The following RILPL1 variants were observed in gnomAD, a reference collection of about 807,000 sequenced individuals.
RILPL1 encodes Rab interacting lysosomal protein like 1.
A neutral mutation model predicts 50.3 loss-of-function variants in RILPL1; 33 were observed. The ratio of observed to expected loss-of-function variants is 0.66; its 90% CI spans 0.50 to 0.88. The LOEUF (loss-of-function observed/expected upper bound fraction) is 0.88, where lower values mean the gene tolerates loss of function less well. Ranked by LOEUF, RILPL1 falls within the 40% of genes least tolerant of loss-of-function variation. The probability of loss-of-function intolerance (pLI) is 0.00; values close to 1 mark genes in which losing one functional copy is unlikely to be tolerated. For synonymous variants in RILPL1, 205 were observed against 228.6 expected (o/e 0.90, Z 0.93); for missense variants, 418 against 542.5 (o/e 0.77, Z 2.28).
In RILPL1 at chr12:123,471,837, CTTTG is replaced by C. The variant is rs1415067169; in HGVS notation, c.*697_*700del. The C allele has an allele frequency of 3.3e-5, 5 of 152,622 alleles. No homozygotes were observed. The highest frequency in any genetic ancestry group is 2.1e-4 in the South Asian group (1 of 4,836). The allele number at this position is 152,622 out of a possible 1,614,324, so 9.5% of individuals were successfully genotyped here. A position where few individuals can be genotyped will look rare whatever the true frequency, so the allele number is the denominator to read the frequency against. On this transcript the variant is annotated 3_prime_UTR_variant, in exon 7 of 7. Transcript: ENST00000376874. The stretch of plus-strand genomic sequence containing the variant: ...TGTTGCAACATCTCATCCTTAGCAA[CTTTG>C]TTTGGTTAGTACTGCATAACTCACA...
chr12:123,521,573 ACACACATATGTGTATATATATATT>A (rs1885014571), intron 2 of RILPL1, among the ~76,000 whole-genome samples: 1 of 17,278 alleles, frequency 5.8e-5, no homozygotes, highest in Non-Finnish European at 1.0e-4. Context: ...TAATATATAT[ACACACATATGTGTATATATATATT>A]AATATATATA....
chr12:123,472,639 G>C lies in RILPL1; in HGVS notation c.1111C>G (p.Gln371Glu). Residue 371 changes from glutamine to glutamate, a missense_variant, in exon 7 of 7, where the codon CAG (glutamine) becomes GAG (glutamate). By Grantham distance (29) the Gln-to-Glu change is conservative. Transcript: ENST00000376874. The part of the protein sequence containing the change: ...SRDKKRLANT[Q>E]RNVHIQESFG... The stretch of plus-strand genomic sequence containing the variant: ...GACTCCTGGATGTGCACGTTTCTCT[G>C]TGTGTTGGCCAGGCGCTTCTTATCT... 1 of 1,596,864 alleles carries C rather than the reference G, an allele frequency of 6.3e-7. No individual in the cohort carries two copies. Among genetic ancestry groups the C allele is most frequent in the Non-Finnish European group, 8.5e-7 (1 of 1,171,692 alleles).
At chr12:123,513,344 C>A in intron 2 of RILPL1, 1 of 397,658 alleles carries the variant, frequency 2.5e-6, no homozygotes, top group Non-Finnish European at 5.2e-6. Context: ...CCTGGGGCGC[C>A]AGGACCCACT....
At chr12:123,527,593 G>A (rs1482908957) in intron 1 of RILPL1, among the ~76,000 whole-genome samples, 1 of 151,974 alleles carries the variant, frequency 6.6e-6, no homozygotes, top group Non-Finnish European at 1.5e-5. Flanking sequence ...GCTGAGGGAA[G>A]CAGAGGTTGC....
intron 2 of RILPL1, among the ~76,000 whole-genome samples, chr12:123,500,525 T>C (rs976153772): frequency 4.6e-5 from 7 of 151,292 alleles, no homozygotes; most frequent in African/African-American, 1.7e-4. Flanking sequence ...CTTCAAGTGA[T>C]CCGCCCACCT....
At position 123,488,893 on chromosome 12, in the gene RILPL1, C is replaced by T. The variant is rs780760119; in HGVS notation, c.802-3088G>A. Among the ~76,000 whole-genome samples, 10 of 152,186 alleles carry T rather than the reference C, an allele frequency of 6.6e-5. No homozygotes were observed. The East Asian group carries it at 9.6e-4, about 15-fold the overall frequency. ...TAATTTCCAAAGAAAGTATTCTAGG[C>T]GTCTGCTGATGCCACAATTTAGGTG... On this transcript the variant is annotated intron_variant, in intron 4 of 6. Coordinates refer to ENST00000376874, the MANE Select transcript of RILPL1 (RefSeq NM_178314.5).
intron 4 of RILPL1, among the ~76,000 whole-genome samples, chr12:123,497,122 C>T (rs1420819363): frequency 1.3e-5 from 2 of 152,234 alleles, no homozygotes; most frequent in African/African-American, 4.8e-5. Context: ...GCCAGGGCTG[C>T]ATTCCTCTTT....
rs549451761 is a variant in RILPL1, at chr12:123,525,498, G to A, written c.310-1853C>T. ...GCAGATCACTTGAGGTCAGGAGTTCGAGACCAGCCTGACCAATATGGTGAA... is the reference window on the plus strand; with the variant it reads ...GCAGATCACTTGAGGTCAGGAGTTCAAGACCAGCCTGACCAATATGGTGAA... On this transcript the variant is annotated intron_variant, in intron 1 of 6. Coordinates refer to ENST00000376874, the MANE Select transcript of RILPL1 (RefSeq NM_178314.5). 5.3e-5 allele frequency among the ~76,000 whole-genome samples: 8 copies of A among 150,188 alleles called. 1 individual carries two copies. Among genetic ancestry groups the A allele is most frequent in the African/African-American group, 1.7e-4 (7 of 40,982 alleles).
At chr12:123,496,739 C>A (rs907067851) in intron 4 of RILPL1, among the ~76,000 whole-genome samples, 2 of 152,266 alleles carry the variant, frequency 1.3e-5, no homozygotes, top group African/African-American at 4.8e-5. Flanking sequence ...GTTCCTGGCA[C>A]AGTCTGGGGG....
chr12:123,485,524 A>C lies in RILPL1; in HGVS notation c.974+109T>G. ...AGGCCAGAGAGGGTACCCAAAAAAA[A>C]CACTGATGAAATGCTTGTCTTCCAG... On this transcript the variant is annotated intron_variant, in intron 5 of 6. Transcript: ENST00000376874. The surrounding 1 kb of genome is among the most constrained non-coding windows in gnomAD (Gnocchi z 4.0). 1 of 1,069,630 alleles carries C rather than the reference A, an allele frequency of 9.3e-7. No individual in the cohort carries two copies. Among genetic ancestry groups the C allele is most frequent in the Non-Finnish European group, 1.4e-6 (1 of 736,888 alleles). The allele number at this position is 1,069,630 out of a possible 1,614,324, so 66.3% of individuals were successfully genotyped here. A position where few individuals can be genotyped will look rare whatever the true frequency, so the allele number is the denominator to read the frequency against.
In RILPL1 at chr12:123,498,929, T is replaced by C. The variant is rs143044084; in HGVS notation, c.580-164A>G. Among the ~76,000 whole-genome samples, 3 of 152,330 alleles carry C rather than the reference T, an allele frequency of 2.0e-5. No individual in the cohort carries two copies. The highest frequency in any genetic ancestry group is 1.9e-4 in the East Asian group (1 of 5,194). On this transcript the variant is annotated intron_variant, in intron 3 of 6. Coordinates refer to ENST00000376874, the MANE Select transcript of RILPL1 (RefSeq NM_178314.5). This position sits in a 1 kb window ranked among gnomAD's most constrained non-coding sequence, Gnocchi z 4.3. ...GCTGATGATGCTAGAGATGGGCAAT[T>C]TGTGTATTTTCTATGATAATTTTAT...
intron 2 of RILPL1, among the ~76,000 whole-genome samples, chr12:123,507,720 T>G (rs1883838301): frequency 6.6e-6 from 1 of 151,740 alleles, no homozygotes; most frequent in South Asian, 2.1e-4. Context: ...GGTGGGTGGA[T>G]CACCTGATGT....
chr12:123,478,000 T>C (rs1406691800), intron 6 of RILPL1, among the ~76,000 whole-genome samples: 1 of 138,818 alleles, frequency 7.2e-6, no homozygotes, highest in African/African-American at 2.7e-5. Flanking sequence ...TTTTTTTTTT[T>C]TTTTTTTTTT....
chr12:123,525,513 A>G (rs182242128), intron 1 of RILPL1, among the ~76,000 whole-genome samples: 2 of 150,984 alleles, frequency 1.3e-5, no homozygotes, highest in Admixed American at 1.3e-4. Context: ...CAGCCTGACC[A>G]ATATGGTGAA....
chr12:123,533,145 C>T lies in RILPL1; in HGVS notation c.309+29G>A, dbSNP rs1262495684. The T allele has an allele frequency of 1.1e-5, 17 of 1,505,122 alleles. No homozygotes were observed. In the Admixed American group the frequency reaches 3.0e-4, roughly 27 times the overall value. The allele number at this position is 1,505,122 out of a possible 1,614,324, so 93.2% of individuals were successfully genotyped here. A position where few individuals can be genotyped will look rare whatever the true frequency, so the allele number is the denominator to read the frequency against. On this transcript the variant is annotated intron_variant, in intron 1 of 6. Coordinates refer to ENST00000376874, the MANE Select transcript of RILPL1 (RefSeq NM_178314.5). This position sits in a 1 kb window ranked among gnomAD's most constrained non-coding sequence, Gnocchi z 6.2. ...CTTGGGTCCCCGCGGTCCCACTGCC[C>T]GGACGGACAGACCGAGGCCGCCGCC...
Position 123,472,389 on chromosome 12 carries a change from A to G in RILPL1, c.*149T>C, listed in dbSNP as rs1372439944. The G allele has an allele frequency of 1.3e-5, 10 of 773,682 alleles. No individual in the cohort carries two copies. The highest frequency in any genetic ancestry group is 1.2e-4 in the Admixed American group (4 of 33,950). 47.9% of individuals were successfully genotyped at this position (773,682 alleles called of 1,614,324 possible). ...GTTTGGCGTCAGTTTTTCAATGTCC[A>G]TCCTCAAATCAGACAGTCTGTTTGA... On this transcript the variant is annotated 3_prime_UTR_variant, in exon 7 of 7. Transcript: ENST00000376874.
At chr12:123,475,360 T>C in intron 6 of RILPL1, 6 of 401,410 alleles carry the variant, frequency 1.5e-5, no homozygotes, top group Non-Finnish European at 2.8e-5. Context: ...CGTTGATTAC[T>C]GACCCGTCAC....
chr12:123,485,300 G>A lies in RILPL1; in HGVS notation c.974+333C>T. The A allele has an allele frequency of 2.2e-6, 1 of 459,242 alleles. No homozygotes were observed. Among genetic ancestry groups the A allele is most frequent in the South Asian group, 1.6e-5 (1 of 62,636 alleles). The allele number at this position is 459,242 out of a possible 1,614,324, so 28.4% of individuals were successfully genotyped here. On this transcript the variant is annotated intron_variant, in intron 5 of 6. Transcript: ENST00000376874. This position sits in a 1 kb window ranked among gnomAD's most constrained non-coding sequence, Gnocchi z 4.0. ...GGCCACATAGACCATTAACACCGGG[G>A]CCGGGTTTCATTCATTCATTCATTT...
intron 4 of RILPL1, among the ~76,000 whole-genome samples, chr12:123,494,377 G>T (rs1420140973): frequency 6.6e-6 from 1 of 152,254 alleles, no homozygotes; most frequent in East Asian, 1.9e-4. Flanking sequence ...CTGCAAAGCA[G>T]CCTGGAGGGT....
Sources: allele counts gnomAD v4.1 joint callset (sites outside exome capture counted in the v4.1 genomes callset), GRCh38; gene constraint gnomAD v4.1.1; non-coding constraint Gnocchi (gnomAD v3.1); transcripts MANE v1.5; gene names NCBI Gene and HGNC (gene_info 2026-07-23, HGNC 2026-07-21).